The following PTCH1 variants were observed in gnomAD, a reference collection of about 807,000 sequenced individuals.
PTCH1 encodes the protein protein patched homolog 1.
PTCH1 carries 14 observed loss-of-function variants against 144.6 expected under a neutral mutation model. The observed-to-expected ratio is 0.10, with a 90% CI of 0.06 to 0.15. The LOEUF (loss-of-function observed/expected upper bound fraction) is 0.15, where lower values mean the gene tolerates loss of function less well. PTCH1 is among the 10% of genes least tolerant of loss of function. The probability of loss-of-function intolerance (pLI) is 1.00; values close to 1 mark genes in which losing one functional copy is unlikely to be tolerated. For synonymous variants in PTCH1, 833 were observed against 793.6 expected (o/e 1.05, Z -0.83); for missense variants, 1,623 against 1,948.3 (o/e 0.83, Z 3.14).
intron 1 of PTCH1, 86 bp downstream of exon 1, chr9:95,508,071 AAGAG>A: frequency 6.3e-7 from 1 of 1,578,252 alleles, no homozygotes. Context: ...GAGAGAGAGG[AAGAG>A]AGTGTGTGTG....
At chr9:95,446,622 C>G in intron 23 of PTCH1, 2 of 535,708 alleles carry the variant, frequency 3.7e-6, no homozygotes, top group Non-Finnish European at 6.8e-6. Context: ...TCCATAAAGA[C>G]TGGCAAATAT....
Position 95,468,808 on chromosome 9 carries a change from T to C in PTCH1, c.2193A>G (p.Thr731=), listed in dbSNP as rs760285524. The C allele has an allele frequency of 6.2e-7, 1 of 1,614,098 alleles. No homozygotes were observed. Among genetic ancestry groups the C allele is most frequent in the Non-Finnish European group, 8.5e-7 (1 of 1,180,008 alleles). Residue 731 remains threonine (T), a synonymous_variant, in exon 14 of 24, where the codon ACA becomes ACG. Transcript: ENST00000331920. Reference sequence around the variant, plus strand: ...AGTGCTTCTCAGCAAAAGATGAGAGTGTCCACTTCGTACAGGGGGGCTCGA... The same window carrying C: ...AGTGCTTCTCAGCAAAAGATGAGAGCGTCCACTTCGTACAGGGGGGCTCGA... ...HCLEPPCTKW[T]LSSFAEKHYA... is the part of the protein sequence containing the mutation.
At chr9:95,516,673 C>G in exon 1 of PTCH1, 1 of 1,613,136 alleles carries the variant, frequency 6.2e-7, no homozygotes, top group Non-Finnish European at 8.5e-7. Flanking sequence ...TCTTCTCCTC[C>G]GTTTTCTTCT....
chr9:95,446,661 T>C (rs1293683905), intron 23 of PTCH1: 1 of 598,700 alleles, frequency 1.7e-6, no homozygotes, highest in Non-Finnish European at 3.0e-6. Flanking sequence ...TTTGTGTCCT[T>C]GTGGCGCTGC....
chr9:95,474,728 T>C (rs1840883238), intron 12 of PTCH1, among the ~76,000 whole-genome samples: 1 of 152,146 alleles, frequency 6.6e-6, no homozygotes, highest in East Asian at 1.9e-4. Flanking sequence ...ACGTGATTGA[T>C]TGGTTCCTCT....
intron 14 of PTCH1, among the ~76,000 whole-genome samples, chr9:95,468,248 A>C (rs1840208530): frequency 6.6e-6 from 1 of 152,030 alleles, no homozygotes; most frequent in Non-Finnish European, 1.5e-5. Context: ...GTAGAGATGG[A>C]GTTTCATCAT....
rs1305073724 is a variant in PTCH1 at position 95,449,575 on chromosome 9, T to C, written c.3550-252A>G. On this transcript the variant is annotated intron_variant, in intron 21 of 23. Coordinates refer to ENST00000331920, the MANE Select transcript of PTCH1 (RefSeq NM_000264.5). This position sits in a 1 kb window ranked among gnomAD's most constrained non-coding sequence, Gnocchi z 5.3. ...TTTTTACTCTTGTGAAGTCCAATTA[T>C]GCATCTCAAGGGGAAAGTCTTCATT... The C allele has an allele frequency of 3.2e-6, 2 of 633,668 alleles. No individual in the cohort carries two copies. The highest frequency in any genetic ancestry group is 2.7e-5 in the East Asian group (1 of 36,674). The allele number at this position is 633,668 out of a possible 1,614,324, so 39.3% of individuals were successfully genotyped here.
At chr9:95,504,745 T>G (rs2118848021) in intron 2 of PTCH1, among the ~76,000 whole-genome samples, 1 of 152,174 alleles carries the variant, frequency 6.6e-6, no homozygotes, top group East Asian at 1.9e-4. Flanking sequence ...CCGTCTCCAG[T>G]TCTCTCCCCC....
At chr9:95,456,178 C>G (rs886168852) in intron 19 of PTCH1, 98 bp downstream of exon 19, 1 of 1,538,906 alleles carries the variant, frequency 6.5e-7, no homozygotes, top group Non-Finnish European at 8.7e-7. Flanking sequence ...TTCACTGCCA[C>G]GCACAGGGAG....
rs1840307078 is a variant in PTCH1 at position 95,469,025 on chromosome 9, T to C, written c.1976A>G (p.Gln659Arg). The C allele has an allele frequency of 1.2e-6, 2 of 1,613,914 alleles. No homozygotes were observed. Among genetic ancestry groups the C allele is most frequent in the Admixed American group, 1.7e-5 (1 of 59,990 alleles). Reference protein sequence around the residue: ...SFAHETQITMQSTVQLRTEYD... With the variant: ...SFAHETQITMRSTVQLRTEYD... ...CTCCGTGCGGAGCTGGACAGTGGAC[T>C]GCATGGTAATCTGCGTTTCATGGGC... The change falls in exon 14 of 24, where the codon CAG becomes CGG. Residue 659 changes from glutamine (Q) to arginine (R), a missense_variant. Physicochemically the swap from Gln to Arg is conservative, Grantham distance 43. Transcript: ENST00000331920.
At position 95,479,029 on chromosome 9, in the gene PTCH1, G is replaced by C. The variant is rs371424684; in HGVS notation, c.1186C>G (p.Leu396Val). 2.5e-6 allele frequency: 4 copies of C among 1,614,084 alleles called. No individual in the cohort carries two copies. Among genetic ancestry groups the C allele is most frequent in the Non-Finnish European group, 3.4e-6 (4 of 1,180,050 alleles). The change falls in exon 8 of 24, where the codon CTG (leucine) becomes GTG (valine). Residue 396 changes from leucine to valine, a missense_variant. Physicochemically the swap from Leu to Val is conservative, Grantham distance 32. This residue lies in a region of PTCH1 where 230 missense variants were observed against 271.0 expected (regional missense o/e 0.85). Transcript: ENST00000331920. Reference sequence around the variant, plus strand: ...ACATATGTCCTCTGCCAGGCCTCCAGGATGGCTGCCGCTTTGTCCTCGTTC... The same window carrying C: ...ACATATGTCCTCTGCCAGGCCTCCACGATGGCTGCCGCTTTGTCCTCGTTC... ...NWNEDKAAAI[L>V]EAWQRTYVEV...
chr9:95,482,459 A>C, intron 3 of PTCH1: 1 of 535,684 alleles, frequency 1.9e-6, no homozygotes, highest in Non-Finnish European at 3.3e-6. Context: ...TGTTTTCTTA[A>C]GTGTTCTCCC....
At position 95,476,767 on chromosome 9, in the gene PTCH1, G is replaced by A. The variant is rs1841072575; in HGVS notation, c.1594C>T (p.Pro532Ser). The A allele has an allele frequency of 6.2e-7, 1 of 1,613,506 alleles. No individual in the cohort carries two copies. The highest frequency in any genetic ancestry group is 1.3e-5 in the African/African-American group (1 of 75,026). The change falls in exon 11 of 24, where the codon CCT (proline) becomes TCT (serine). Residue 532 changes from proline (P) to serine (S), a missense_variant. By Grantham distance (74) the Pro-to-Ser change is moderately conservative. Around this residue, in one of 7 missense-constraint regions of PTCH1, gnomAD observed 135 missense variants for 228.7 expected, o/e 0.59. Coordinates refer to ENST00000331920, the MANE Select transcript of PTCH1 (RefSeq NM_000264.5). The surrounding 1 kb of genome is among the most constrained non-coding windows in gnomAD (Gnocchi z 4.6). ...TTTTGTTTTTGCATTACCTCAAAAG[G>A]GATTCTTTTATTCTGTCCTGTTTCA... Reference protein sequence around the residue: ...FSETGQNKRIPFEDRTGECLK... With the variant: ...FSETGQNKRISFEDRTGECLK...
chr9:95,499,806 G>A (rs558385788), intron 2 of PTCH1, among the ~76,000 whole-genome samples: 3 of 152,092 alleles, frequency 2.0e-5, no homozygotes, highest in South Asian at 2.1e-4. Flanking sequence ...ACACATCCCC[G>A]AGGAGAACTG....
chr9:95,472,634 G>A (rs1439283837), intron 12 of PTCH1, among the ~76,000 whole-genome samples: 1 of 152,164 alleles, frequency 6.6e-6, no homozygotes, highest in African/African-American at 2.4e-5. Flanking sequence ...GACACAGGGA[G>A]CCCCACGGGC....
chr9:95,467,736 T>C (rs976311755), intron 14 of PTCH1, among the ~76,000 whole-genome samples: 1 of 152,108 alleles, frequency 6.6e-6, no homozygotes, highest in Non-Finnish European at 1.5e-5. Context: ...CCCAAGTAGC[T>C]GGGATTACAG....
intron 5 of PTCH1, 179 bp downstream of exon 5, chr9:95,481,770 G>GA (rs1384687390): frequency 7.7e-6 from 5 of 650,180 alleles, no homozygotes; most frequent in Non-Finnish European, 1.3e-5. Context: ...TTTGAAAAGA[G>GA]AAAAAACATT....
intron 15 of PTCH1, among the ~76,000 whole-genome samples, chr9:95,462,828 C>T (rs1418775288): frequency 6.6e-6 from 1 of 152,240 alleles, no homozygotes; most frequent in Admixed American, 6.5e-5. Flanking sequence ...CAGCACACCA[C>T]ACACAGCTGC....
intron 2 of PTCH1, among the ~76,000 whole-genome samples, chr9:95,505,179 G>A (rs1843469502): frequency 6.6e-6 from 1 of 152,172 alleles, no homozygotes; most frequent in African/African-American, 2.4e-5. Context: ...CACAAACAAG[G>A]AGAGATTAAG....
Sources: gnomAD v4.1 joint callset for allele counts (sites outside exome capture counted in the v4.1 genomes callset) on GRCh38, gnomAD v4.1.1 for gene constraint, gnomAD v4.1.1 regional missense constraint, Gnocchi (gnomAD v3.1) non-coding constraint, MANE v1.5 for transcripts, NCBI Gene and HGNC (gene_info 2026-07-23, HGNC 2026-07-21) for gene names.